Variants in MAD1L1 observed in about 807,000 individuals in gnomAD.
MAD1L1 encodes the protein mitotic spindle assembly checkpoint protein MAD1.
A neutral mutation model predicts 96.9 loss-of-function variants in MAD1L1; 95 were observed. That is an observed-to-expected ratio of 0.98 (90% CI 0.83 to 1.16). The LOEUF is 1.16. MAD1L1 is among the 50% of genes most tolerant of loss of function. The pLI is 0.00. For synonymous variants in MAD1L1, 473 were observed against 396.6 expected (o/e 1.19, Z -2.29); for missense variants, 1,007 against 954.4 (o/e 1.06, Z -0.73).
At chr7:2,155,376 C>G (rs1789778820) in intron 10 of MAD1L1, among the ~76,000 whole-genome samples, 1 of 152,180 alleles carries the variant, frequency 6.6e-6, no homozygotes, top group Non-Finnish European at 1.5e-5. Context: ...TCGTGTTGAG[C>G]ATATTCATGT....
chr7:2,140,103 C>T (rs1262916929), intron 11 of MAD1L1, among the ~76,000 whole-genome samples: 1 of 151,968 alleles, frequency 6.6e-6, no homozygotes, highest in Admixed American at 6.5e-5. Context: ...CCTTCTGTGA[C>T]CTGTGCTTGG....
chr7:2,123,148 A>T (rs1788059719), intron 11 of MAD1L1, among the ~76,000 whole-genome samples: 1 of 152,112 alleles, frequency 6.6e-6, no homozygotes, highest in East Asian at 1.9e-4. Flanking sequence ...CTAAAAATAC[A>T]ACAAATTAGC....
intron 12 of MAD1L1, among the ~76,000 whole-genome samples, chr7:2,061,541 C>G (rs1326084709): frequency 6.6e-6 from 1 of 152,180 alleles, no homozygotes; most frequent in Admixed American, 6.5e-5. Flanking sequence ...AAACCAAAGG[C>G]AGGAGGTGAG....
At chr7:1,874,118 T>C (rs1469426961) in intron 18 of MAD1L1, among the ~76,000 whole-genome samples, 5 of 152,124 alleles carry the variant, frequency 3.3e-5, no homozygotes, top group African/African-American at 1.2e-4. Context: ...AGGCTCTCCA[T>C]CTGCACCGGA....
chr7:2,060,110 G>A (rs537436136), intron 12 of MAD1L1, among the ~76,000 whole-genome samples: 15 of 151,238 alleles, frequency 9.9e-5, no homozygotes, highest in South Asian at 2.1e-4. Flanking sequence ...GAGATACGCC[G>A]AAGCCAAGAT....
intron 18 of MAD1L1, among the ~76,000 whole-genome samples, chr7:1,880,301 C>G (rs543565907): frequency 7.8e-4 from 119 of 152,304 alleles, no homozygotes; most frequent in African/African-American, 2.6e-3. Context: ...GATGGGGCCA[C>G]AGACAGCTTT....
chr7:1,941,616 A>C (rs927282694), intron 16 of MAD1L1, among the ~76,000 whole-genome samples: 8 of 152,184 alleles, frequency 5.3e-5, no homozygotes, highest in African/African-American at 1.9e-4. Flanking sequence ...TGTCCTCCTC[A>C]GCCGCTACGC....
Position 2,208,716 on chromosome 7 carries a change from G to A in MAD1L1, c.986+4496C>T, listed in dbSNP as rs1792726094. On this transcript the variant is annotated intron_variant, in intron 10 of 18. Coordinates refer to ENST00000265854, the MANE Select transcript of MAD1L1 (RefSeq NM_001013836.2). ...GAGAAGCAAGCATCCTGCATTCCCA[G>A]ATGGGCTCCAGCCTCACGCCATCTT... is the stretch of plus-strand genomic sequence containing the variant. Among the ~76,000 whole-genome samples, 4 of 152,168 alleles carry A rather than the reference G, an allele frequency of 2.6e-5. No individual in the cohort carries two copies. The South Asian group carries it at 6.2e-4, about 24-fold the overall frequency.
intron 11 of MAD1L1, among the ~76,000 whole-genome samples, chr7:2,112,911 C>T (rs1432297731): frequency 1.3e-5 from 2 of 152,020 alleles, no homozygotes; most frequent in Non-Finnish European, 2.9e-5. Flanking sequence ...TCACAGGGCA[C>T]GAGAGCCCAA....
intron 12 of MAD1L1, among the ~76,000 whole-genome samples, chr7:2,068,623 T>TTCTGAAATTTCAGTG: frequency 6.6e-6 from 1 of 152,194 alleles, no homozygotes; most frequent in East Asian, 1.9e-4. Context: ...CCGCCTTGTC[T>TTCTGAAATTTCAGTG]TCTGAAATTT....
chr7:1,976,280 C>A (rs1441151166), intron 15 of MAD1L1, among the ~76,000 whole-genome samples: 2 of 152,230 alleles, frequency 1.3e-5, no homozygotes, highest in East Asian at 3.8e-4. Flanking sequence ...GTGAGTGTTA[C>A]AGTTCTTAAA....
At chr7:2,229,953 G>A (rs201552177) in intron 3 of MAD1L1, 31 bp downstream of exon 3, 2 of 1,609,366 alleles carry the variant, frequency 1.2e-6, no homozygotes, top group Non-Finnish European at 1.7e-6. Context: ...TCTCCCCAGA[G>A]CAGACTCCCA....
In MAD1L1 at chr7:1,968,245, G is replaced by C. The variant is rs1287578542; in HGVS notation, c.1506-10526C>G. ...GTCGACGCCTCAGTCCGGCGGTCAG[G>C]TCCACCGTCAACACCAGCGGTCTTG... On this transcript the variant is annotated intron_variant, in intron 15 of 18. Transcript: ENST00000265854. This position sits in a 1 kb window ranked among gnomAD's most constrained non-coding sequence, Gnocchi z 5.6. Among the ~76,000 whole-genome samples the C allele has an allele frequency of 6.6e-6, 1 of 151,806 alleles. No homozygotes were observed. Among genetic ancestry groups the C allele is most frequent in the East Asian group, 1.9e-4 (1 of 5,164 alleles).
intron 18 of MAD1L1, among the ~76,000 whole-genome samples, chr7:1,877,565 T>G (rs1450826705): frequency 6.6e-6 from 1 of 151,942 alleles, no homozygotes; most frequent in African/African-American, 2.4e-5. Context: ...GTCATAAAAA[T>G]TATATTAAAT....
intron 12 of MAD1L1, among the ~76,000 whole-genome samples, chr7:2,020,783 A>C (rs184132314): frequency 6.6e-6 from 1 of 151,912 alleles, no homozygotes; most frequent in East Asian, 1.9e-4. Flanking sequence ...TTTTAAGACA[A>C]GGTCTTGCTC....
chr7:1,936,935 G>A, intron 16 of MAD1L1, 38 bp from the exon 17 acceptor site: 3 of 1,514,928 alleles, frequency 2.0e-6, no homozygotes, highest in Non-Finnish European at 2.7e-6. Flanking sequence ...CCATGGCCCA[G>A]GCACACACGC....
At chr7:1,960,283 G>C (rs1386782735) in intron 15 of MAD1L1, among the ~76,000 whole-genome samples, 2 of 147,422 alleles carry the variant, frequency 1.4e-5, no homozygotes, top group Non-Finnish European at 1.5e-5. Context: ...ATGAAGAAGA[G>C]ACAGATGAGT....
rs1430181830 is a variant in MAD1L1, at chr7:1,953,846, GGGCACA to G, written c.1596+3777_1596+3782del. ...TGCTGGGTGACACGGGGGCCCCACG[GGGCACA>G]GGTGCCGGCCCAGGCTGCACACTTC... On this transcript the variant is annotated intron_variant, in intron 16 of 18. Transcript: ENST00000265854. 1.4e-4 allele frequency among the ~76,000 whole-genome samples: 21 copies of G among 152,372 alleles called. No homozygotes were observed. In the South Asian group the frequency reaches 3.9e-3, roughly 29 times the overall value.
intron 18 of MAD1L1, among the ~76,000 whole-genome samples, chr7:1,863,872 A>AG (rs1040980202): frequency 6.6e-6 from 1 of 152,184 alleles, no homozygotes; most frequent in Non-Finnish European, 1.5e-5. Flanking sequence ...GTGGATCACA[A>AG]GGTCAGGAGT....
Sources: gnomAD v4.1 joint callset for allele counts (sites outside exome capture counted in the v4.1 genomes callset) on GRCh38, gnomAD v4.1.1 for gene constraint, Gnocchi (gnomAD v3.1) non-coding constraint, MANE v1.5 for transcripts, NCBI Gene and HGNC (gene_info 2026-07-23, HGNC 2026-07-21) for gene names.